Variants in BRMS1L observed in about 807,000 individuals in gnomAD.
BRMS1L encodes the protein BRMS1 like transcriptional repressor.
In BRMS1L, 23 loss-of-function variants were observed where a neutral mutation model predicts 50.3. The observed-to-expected ratio is 0.46, with a 90% confidence interval of 0.33 to 0.65. BRMS1L has a LOEUF of 0.65. BRMS1L is among the 30% of genes least tolerant of loss of function. BRMS1L has a pLI of 0.02. For missense variants in BRMS1L, 286 were observed against 386.1 expected, an observed-to-expected ratio of 0.74 and a Z score of 2.17; for synonymous variants, 114 against 126.9, an observed-to-expected ratio of 0.90 and a Z score of 0.69.
At chr14:35,826,786 C>T (rs926802444) in intron 1 of BRMS1L, 128 bp downstream of exon 1, 7 of 1,347,594 alleles carry the variant, frequency 5.2e-6, no homozygotes, top group Non-Finnish European at 7.0e-6. Flanking sequence ...CGGAGACTGG[C>T]TCTGGGCCCT....
At chr14:35,859,240 G>C (rs1287066796) in intron 4 of BRMS1L, among the ~76,000 whole-genome samples, 1 of 152,060 alleles carries the variant, frequency 6.6e-6, no homozygotes, top group Non-Finnish European at 1.5e-5. Context: ...CACCGTGCCT[G>C]GCCCATCCTA....
chr14:35,854,969 T>C (rs537926012), intron 4 of BRMS1L, among the ~76,000 whole-genome samples: 1 of 152,338 alleles, frequency 6.6e-6, no homozygotes, highest in East Asian at 1.9e-4. Context: ...CAGGAAAAAC[T>C]TTTCCCCCCC....
At chr14:35,834,226 G>A (rs2077963062) in intron 3 of BRMS1L, among the ~76,000 whole-genome samples, 1 of 152,108 alleles carries the variant, frequency 6.6e-6, no homozygotes, top group South Asian at 2.1e-4. Flanking sequence ...TGCCGTTTTT[G>A]TAGTGACATA....
At chr14:35,844,138 T>A (rs1389307507) in intron 4 of BRMS1L, among the ~76,000 whole-genome samples, 1 of 152,176 alleles carries the variant, frequency 6.6e-6, no homozygotes, top group African/African-American at 2.4e-5. Flanking sequence ...GGGGTTGGCA[T>A]CTGCTGAGCA....
intron 9 of BRMS1L, among the ~76,000 whole-genome samples, chr14:35,869,770 G>A (rs1312772376): frequency 2.0e-5 from 3 of 151,888 alleles, no homozygotes; most frequent in Non-Finnish European, 4.4e-5. Context: ...CACTTGAACC[G>A]GGGAGGTGGA....
chr14:35,844,143 T>A (rs1002112783), intron 4 of BRMS1L, among the ~76,000 whole-genome samples: 1 of 152,198 alleles, frequency 6.6e-6, no homozygotes, highest in Non-Finnish European at 1.5e-5. Flanking sequence ...TGGCATCTGC[T>A]GAGCAAGACC....
intron 5 of BRMS1L, 59 bp from the exon 6 acceptor site, chr14:35,863,811 T>A: frequency 6.7e-7 from 1 of 1,494,412 alleles, no homozygotes; most frequent in East Asian, 2.3e-5. Context: ...AATTAGAGTC[T>A]TTTTTCCTCC....
At chr14:35,835,254 T>G (rs1235938790) in intron 4 of BRMS1L, among the ~76,000 whole-genome samples, 2 of 152,208 alleles carry the variant, frequency 1.3e-5, no homozygotes, top group Non-Finnish European at 2.9e-5. Flanking sequence ...AAATATACAC[T>G]CAATGGTGCA....
At chr14:35,851,203 A>G (rs1173336001) in intron 4 of BRMS1L, among the ~76,000 whole-genome samples, 1 of 152,208 alleles carries the variant, frequency 6.6e-6, no homozygotes, top group Non-Finnish European at 1.5e-5. Flanking sequence ...TTTCATTACA[A>G]GTTATTATTT....
intron 1 of BRMS1L, among the ~76,000 whole-genome samples, chr14:35,827,106 G>A (rs994464626): frequency 6.6e-6 from 1 of 152,246 alleles, no homozygotes; most frequent in Non-Finnish European, 1.5e-5. Flanking sequence ...TTGCCGGTCA[G>A]CACTTTTACA....
chr14:35,868,748 A>T (rs889409957), intron 9 of BRMS1L, among the ~76,000 whole-genome samples: 1 of 152,200 alleles, frequency 6.6e-6, no homozygotes, highest in Non-Finnish European at 1.5e-5. Context: ...ATTGTACTCC[A>T]GGCTGGGCAA....
Position 35,831,404 on chromosome 14 carries a change from T to G in BRMS1L, c.143-6T>G. 1 of 1,605,342 alleles carries G rather than the reference T, an allele frequency of 6.2e-7. No homozygotes were observed. The highest frequency in any genetic ancestry group is 2.2e-5 in the East Asian group (1 of 44,820). On this transcript the variant is annotated splice_polypyrimidine_tract_variant and splice_region_variant and intron_variant, in intron 1 of 9. Coordinates refer to ENST00000216807, the MANE Select transcript of BRMS1L (RefSeq NM_032352.4). ...TTATCTTTTATATTTGCCTTTTTAT[T>G]AACAGAAATGGATGATGAAGACTGT... is the stretch of plus-strand genomic sequence containing the variant.
chr14:35,845,161 G>A (rs1370444048), intron 4 of BRMS1L, among the ~76,000 whole-genome samples: 1 of 152,146 alleles, frequency 6.6e-6, no homozygotes, highest in African/African-American at 2.4e-5. Context: ...AGATAATAAT[G>A]TCATTTGTGA....
intron 4 of BRMS1L, among the ~76,000 whole-genome samples, chr14:35,841,998 C>CTTTTTTTTTTTTTTTTTTT (rs574267347): frequency 2.7e-5 from 3 of 112,236 alleles, no homozygotes; most frequent in East Asian, 2.5e-4. Flanking sequence ...GCAATCTCTG[C>CTTTTTTTTTTTTTTTTTTT]TTTTTTTTTT....
chr14:35,865,124 A>G (rs2078404701), intron 7 of BRMS1L, 125 bp downstream of exon 7: 1 of 630,368 alleles, frequency 1.6e-6, no homozygotes, highest in Non-Finnish European at 2.6e-6. Flanking sequence ...ACATTTTTCT[A>G]AGGCAATTTA....
chr14:35,827,777 G>A (rs1041265947), intron 1 of BRMS1L, among the ~76,000 whole-genome samples: 4 of 152,190 alleles, frequency 2.6e-5, no homozygotes, highest in African/African-American at 9.7e-5. Context: ...CAGAGGCAGA[G>A]GAAATCGTTT....
At chr14:35,840,958 G>T (rs2078055508) in intron 4 of BRMS1L, among the ~76,000 whole-genome samples, 1 of 152,038 alleles carries the variant, frequency 6.6e-6, no homozygotes, top group Non-Finnish European at 1.5e-5. Flanking sequence ...GTCGATTTTA[G>T]CTCTTACCCG....
At chr14:35,867,361 T>C (rs1441383961) in intron 8 of BRMS1L, among the ~76,000 whole-genome samples, 1 of 152,172 alleles carries the variant, frequency 6.6e-6, no homozygotes, top group African/African-American at 2.4e-5. Context: ...GGTATGCTTT[T>C]GACACTGTGT....
chr14:35,831,542 C>G (rs2077919065), intron 2 of BRMS1L, 42 bp downstream of exon 2: 2 of 1,431,388 alleles, frequency 1.4e-6, no homozygotes, highest in Non-Finnish European at 2.0e-6. Context: ...TGAATCTCAA[C>G]CTTGTCACTT....
Sources: gnomAD v4.1 joint callset for allele counts (sites outside exome capture counted in the v4.1 genomes callset) on GRCh38, gnomAD v4.1.1 for gene constraint, MANE v1.5 for transcripts, NCBI Gene and HGNC (gene_info 2026-07-23, HGNC 2026-07-21) for gene names.